The following CNGA1 variants were observed in gnomAD, a reference collection of about 807,000 sequenced individuals.
CNGA1 encodes cyclic nucleotide gated channel subunit alpha 1.
A neutral mutation model predicts 69.7 loss-of-function variants in CNGA1; 53 were observed. The ratio of observed to expected loss-of-function variants is 0.76; its 90% CI spans 0.61 to 0.96. CNGA1 has a LOEUF of 0.96. CNGA1 is among the 40% of genes least tolerant of loss of function. The pLI is 0.00. For missense variants in CNGA1, 739 were observed against 811.2 expected (o/e 0.91, Z 1.08); for synonymous variants, 249 against 283.5 (o/e 0.88, Z 1.22).
intron 1 of CNGA1, among the ~76,000 whole-genome samples, chr4:48,015,177 C>CA (rs1322236651): frequency 6.6e-6 from 1 of 151,670 alleles, no homozygotes; most frequent in Non-Finnish European, 1.5e-5. Context: ...GACTCCGTCT[C>CA]AAAAAAAACC....
Position 47,937,548 on chromosome 4 carries a change from A to T in CNGA1, c.934T>A (p.Cys312Ser), listed in dbSNP as rs1215736269. 8.7e-6 allele frequency: 14 copies of T among 1,614,086 alleles called. No individual in the cohort carries two copies. The highest frequency in any genetic ancestry group is 1.2e-5 in the Non-Finnish European group (14 of 1,180,042). Residue 312 changes from cysteine (C) to serine (S), a missense_variant, in exon 11 of 11, where the codon TGT (cysteine) becomes AGT (serine). By Grantham distance (112) the Cys-to-Ser change is moderately radical. Coordinates refer to ENST00000514170, the MANE Select transcript of CNGA1 (RefSeq NM_001379270.1). ...YIVIIIHWNA[C>S]VFYSISKAIG... Reference sequence around the variant, plus strand: ...GCTTTAGAAATAGAGTAGAACACACATGCATTCCAGTGGATAATGATGACG... The same window carrying T: ...GCTTTAGAAATAGAGTAGAACACACTTGCATTCCAGTGGATAATGATGACG...
chr4:47,978,740 G>C (rs1741543875), intron 3 of CNGA1, among the ~76,000 whole-genome samples: 1 of 151,952 alleles, frequency 6.6e-6, no homozygotes, highest in African/African-American at 2.4e-5. Flanking sequence ...TATTCTATCA[G>C]GCACTCCTTG....
chr4:48,001,228 G>C (rs1714651917), intron 2 of CNGA1, among the ~76,000 whole-genome samples: 1 of 152,218 alleles, frequency 6.6e-6, no homozygotes, highest in East Asian at 1.9e-4. Context: ...CACTTTGAAA[G>C]GCCAAAGCAG....
intron 2 of CNGA1, among the ~76,000 whole-genome samples, chr4:48,006,178 A>G (rs1714907687): frequency 1.3e-5 from 2 of 152,128 alleles, no homozygotes; most frequent in South Asian, 2.1e-4. Flanking sequence ...AAAGTTTTTC[A>G]TCTATTCTGA....
rs555555929 is a variant in CNGA1, at chr4:47,968,843, T to C, written c.-15+12550A>G. Among the ~76,000 whole-genome samples the C allele has an allele frequency of 4.6e-5, 7 of 152,110 alleles. No homozygotes were observed. The South Asian group carries it at 1.5e-3, about 32-fold the overall frequency. Reference sequence around the variant, plus strand: ...GCAAATGGAAATTCATGAGTAAAGATATAGAGGCAGGAGATATTCCTATGG... The same window carrying C: ...GCAAATGGAAATTCATGAGTAAAGACATAGAGGCAGGAGATATTCCTATGG... On this transcript the variant is annotated intron_variant, in intron 3 of 10. Coordinates refer to ENST00000514170, the MANE Select transcript of CNGA1 (RefSeq NM_001379270.1).
intron 2 of CNGA1, among the ~76,000 whole-genome samples, chr4:47,989,022 G>A (rs1032456629): frequency 2.0e-5 from 3 of 152,096 alleles, no homozygotes; most frequent in East Asian, 3.8e-4. Context: ...CTGGGCAAGG[G>A]AGTGTTCATT....
intron 3 of CNGA1, among the ~76,000 whole-genome samples, chr4:47,962,015 A>G (rs1740465595): frequency 6.6e-6 from 1 of 152,164 alleles, no homozygotes; most frequent in South Asian, 2.1e-4. Context: ...TGTCTGAGTA[A>G]AAAAAGAATG....
intron 10 of CNGA1, among the ~76,000 whole-genome samples, chr4:47,939,584 C>T (rs998574557): frequency 3.3e-5 from 5 of 152,176 alleles, no homozygotes; most frequent in South Asian, 2.1e-4. Context: ...CTGAGACTTA[C>T]GACTGGCATC....
chr4:47,942,337 T>G (rs1578067163), intron 8 of CNGA1, among the ~76,000 whole-genome samples, 189 bp from the exon 9 acceptor site: 2 of 144,568 alleles, frequency 1.4e-5, no homozygotes, highest in Admixed American at 7.1e-5. Context: ...TAGTGAGGGG[T>G]GGATAGATAA....
Position 47,974,276 on chromosome 4 carries a change from AGTG to A in CNGA1, c.-15+7114_-15+7116del, listed in dbSNP as rs560021235. On this transcript the variant is annotated intron_variant, in intron 3 of 10. Coordinates refer to ENST00000514170, the MANE Select transcript of CNGA1 (RefSeq NM_001379270.1). ...CTTTAATGTTAAACATTAAATTTTTAGTGGTGGGATCATTGGTATTTTTGTTTT... is the reference window on the plus strand; with the variant it reads ...CTTTAATGTTAAACATTAAATTTTTAGTGGGATCATTGGTATTTTTGTTTT... Among the ~76,000 whole-genome samples, 301 of 152,318 alleles carry A rather than the reference AGTG, an allele frequency of 2.0e-3. 3 individuals are homozygous for A. The highest frequency in any genetic ancestry group is 7.1e-3 in the African/African-American group (296 of 41,588).
chr4:48,016,563 C>G lies in CNGA1; in HGVS notation c.-303G>C. Reference sequence around the variant, plus strand: ...TTCTCTAGTTCGCGGCTCCAGCAGTCGCGCCAAGGGGCAGCTGCTACTCCT... The same window carrying G: ...TTCTCTAGTTCGCGGCTCCAGCAGTGGCGCCAAGGGGCAGCTGCTACTCCT... On this transcript the variant is annotated 5_prime_UTR_variant, in exon 1 of 11. Coordinates refer to ENST00000514170, the MANE Select transcript of CNGA1 (RefSeq NM_001379270.1). 2.1e-6 allele frequency: 1 copy of G among 485,776 alleles called. No homozygotes were observed. The highest frequency in any genetic ancestry group is 3.6e-6 in the Non-Finnish European group (1 of 277,610). 30.1% of individuals were successfully genotyped at this position (485,776 alleles called of 1,614,324 possible). A position where few individuals can be genotyped will look rare whatever the true frequency, so the allele number is the denominator to read the frequency against.
rs1482683760 is a variant in CNGA1 at position 47,985,180 on chromosome 4, C to CT, written c.-122-3681dup. 4.6e-5 allele frequency among the ~76,000 whole-genome samples: 7 copies of CT among 152,124 alleles called. No homozygotes were observed. The South Asian group carries it at 1.5e-3, about 32-fold the overall frequency. ...TAATATGAAGCATTTATTACTGTTC[C>CT]TAAAGCATTGTAAATACTTGAGAAG... On this transcript the variant is annotated intron_variant, in intron 2 of 10. Transcript: ENST00000514170.
chr4:48,014,896 G>C (rs1055265632), intron 1 of CNGA1, among the ~76,000 whole-genome samples: 5 of 152,176 alleles, frequency 3.3e-5, no homozygotes, highest in Non-Finnish European at 5.9e-5. Flanking sequence ...TTTTGGGCCG[G>C]GCTAGGTGGC....
intron 2 of CNGA1, among the ~76,000 whole-genome samples, chr4:47,995,628 CT>C (rs35634134): frequency 0.11 from 17,186 of 151,928 alleles, 1,558 homozygotes; most frequent in East Asian, 0.32. Context: ...AACTAACCCC[CT>C]GAATTCATTT....
At chr4:47,964,345 T>G (rs966303380) in intron 3 of CNGA1, among the ~76,000 whole-genome samples, 5 of 152,164 alleles carry the variant, frequency 3.3e-5, no homozygotes, top group African/African-American at 1.2e-4. Flanking sequence ...AAACCGAGCC[T>G]GGGCTTTGCT....
At chr4:47,954,183 C>T (rs530959680) in intron 3 of CNGA1, among the ~76,000 whole-genome samples, 2 of 152,196 alleles carry the variant, frequency 1.3e-5, no homozygotes, top group African/African-American at 4.8e-5. Flanking sequence ...GCGTCCAGAA[C>T]GGCGGAACTC....
intron 3 of CNGA1, among the ~76,000 whole-genome samples, chr4:47,965,429 CT>C (rs201467914): frequency 0.1 from 14,183 of 141,006 alleles, 856 homozygotes; most frequent in East Asian, 0.24. Context: ...ATAAGTTATT[CT>C]TTTTTTTTTT....
chr4:47,954,164 A>G (rs1329050994), intron 3 of CNGA1, among the ~76,000 whole-genome samples: 1 of 152,122 alleles, frequency 6.6e-6, no homozygotes. Flanking sequence ...CTGAACATCA[A>G]GAGGAGTTGC....
intron 2 of CNGA1, among the ~76,000 whole-genome samples, chr4:47,995,860 C>G (rs1483503124): frequency 1.3e-5 from 2 of 152,108 alleles, no homozygotes; most frequent in Non-Finnish European, 2.9e-5. Flanking sequence ...TACTCTCACC[C>G]TTTTCCTATG....
Sources: gnomAD v4.1 joint callset for allele counts (sites outside exome capture counted in the v4.1 genomes callset) on GRCh38, gnomAD v4.1.1 for gene constraint, MANE v1.5 for transcripts, NCBI Gene and HGNC (gene_info 2026-07-23, HGNC 2026-07-21) for gene names.